BRINP2: variants seen among roughly 807,000 people sequenced by gnomAD.
BRINP2 encodes BMP/retinoic acid inducible neural specific 2.
In BRINP2, 21 loss-of-function variants were observed where a neutral mutation model predicts 69.2. The observed-to-expected ratio is 0.30, with a 90% CI of 0.22 to 0.44. The LOEUF is 0.44. BRINP2 is among the 20% of genes least tolerant of loss of function. BRINP2 has a pLI of 1.00. For synonymous variants in BRINP2, 380 were observed against 394.1 expected, an observed-to-expected ratio of 0.96 and a Z score of 0.42; for missense variants, 877 against 986.0, an observed-to-expected ratio of 0.89 and a Z score of 1.48.
At chr1:177,206,763 C>T (rs537186467) in intron 1 of BRINP2, among the ~76,000 whole-genome samples, 1 of 152,226 alleles carries the variant, frequency 6.6e-6, no homozygotes, top group South Asian at 2.1e-4. Flanking sequence ...GGATACTCAA[C>T]GTGGCTACGT....
In BRINP2 at chr1:177,230,152, G is replaced by A. The variant is rs1168750788; in HGVS notation, c.269+7G>A. 1.3e-6 allele frequency: 2 copies of A among 1,589,216 alleles called. No homozygotes were observed. The highest frequency in any genetic ancestry group is 1.7e-6 in the Non-Finnish European group (2 of 1,164,234). On this transcript the variant is annotated splice_region_variant and intron_variant, in intron 2 of 7. Transcript: ENST00000361539. ...CCAGGTACAGGATTTATAGGTAAGTGGGGGCCTCCACTGAGACAGGGGCTT... is the reference window on the plus strand; with the variant it reads ...CCAGGTACAGGATTTATAGGTAAGTAGGGGCCTCCACTGAGACAGGGGCTT...
At chr1:177,268,935 C>A (rs1571944490) in intron 4 of BRINP2, among the ~76,000 whole-genome samples, 1 of 152,214 alleles carries the variant, frequency 6.6e-6, no homozygotes, top group Non-Finnish European at 1.5e-5. Flanking sequence ...AACTCTATTT[C>A]TGTCATCCAC....
intron 1 of BRINP2, among the ~76,000 whole-genome samples, chr1:177,211,012 T>C (rs925632382): frequency 1.3e-5 from 2 of 149,454 alleles, no homozygotes; most frequent in South Asian, 4.2e-4. Flanking sequence ...ATATATATTA[T>C]GTACATGTAT....
At chr1:177,177,412 C>T (rs1648120005) in intron 1 of BRINP2, among the ~76,000 whole-genome samples, 1 of 152,174 alleles carries the variant, frequency 6.6e-6, no homozygotes, top group African/African-American at 2.4e-5. Flanking sequence ...ATAACTCATT[C>T]ATTGTCATTA....
At position 177,171,483 on chromosome 1, in the gene BRINP2, G is replaced by C. The variant is rs1647928156; in HGVS notation, c.-326G>C. The C allele has an allele frequency of 6.2e-6, 1 of 162,256 alleles. No individual in the cohort carries two copies. The highest frequency in any genetic ancestry group is 1.6e-4 in the South Asian group (1 of 6,078). 10.1% of individuals were successfully genotyped at this position (162,256 alleles called of 1,614,324 possible). ...CGGCGGTGGCGGTGGCGGCGGCGGC[G>C]GCACCGACAGTAAAGCGGGGAGCAA... On this transcript the variant is annotated 5_prime_UTR_variant, in exon 1 of 8. Coordinates refer to ENST00000361539, the MANE Select transcript of BRINP2 (RefSeq NM_021165.4).
chr1:177,183,999 T>C (rs1471208469), intron 1 of BRINP2, among the ~76,000 whole-genome samples: 1 of 152,226 alleles, frequency 6.6e-6, no homozygotes, highest in African/African-American at 2.4e-5. Flanking sequence ...AAGTGCTCTA[T>C]TATCTTGATT....
intron 2 of BRINP2, among the ~76,000 whole-genome samples, chr1:177,231,711 C>T (rs1197840887): frequency 6.6e-6 from 1 of 152,230 alleles, no homozygotes; most frequent in Non-Finnish European, 1.5e-5. Context: ...CTGCAGTTCA[C>T]ACTCCCTGCT....
In BRINP2 at chr1:177,276,419, C is replaced by A; in HGVS notation, c.997C>A (p.Gln333Lys). ...IQDSWATHNR[Q>K]FEESEEFQAL... ...GGACTCCTGGGCCACTCACAACCGG[C>A]AGTTTGAAGAGTCAGGTGAGCAGCC... is the stretch of plus-strand genomic sequence containing the variant. Residue 333 changes from glutamine to lysine, a missense_variant, in exon 6 of 8, where the codon CAG becomes AAG. Gln to Lys is a moderately conservative substitution (Grantham distance 53). Transcript: ENST00000361539. The A allele has an allele frequency of 6.2e-7, 1 of 1,614,086 alleles. No homozygotes were observed. Among genetic ancestry groups the A allele is most frequent in the Admixed American group, 1.7e-5 (1 of 60,030 alleles).
intron 4 of BRINP2, among the ~76,000 whole-genome samples, chr1:177,266,402 G>A (rs1214926939): frequency 6.6e-6 from 1 of 151,894 alleles, no homozygotes; most frequent in Non-Finnish European, 1.5e-5. Context: ...CTTGCTGTTT[G>A]CTTTACTTGT....
At chr1:177,253,200 C>T (rs1157990503) in intron 2 of BRINP2, among the ~76,000 whole-genome samples, 1 of 152,104 alleles carries the variant, frequency 6.6e-6, no homozygotes, top group Non-Finnish European at 1.5e-5. Flanking sequence ...TGCATCCTGA[C>T]CAGCATTTGT....
chr1:177,204,127 C>A (rs1001598165), intron 1 of BRINP2, among the ~76,000 whole-genome samples: 1 of 152,070 alleles, frequency 6.6e-6, no homozygotes, highest in African/African-American at 2.4e-5. Context: ...ATGCATCCTA[C>A]GTTATAAGAA....
intron 1 of BRINP2, among the ~76,000 whole-genome samples, chr1:177,220,355 G>A (rs1649489345): frequency 6.6e-6 from 1 of 152,134 alleles, no homozygotes. Flanking sequence ...CCTCATGAAT[G>A]GCTTGGGTCA....
chr1:177,268,572 T>A (rs1356866386), intron 4 of BRINP2, among the ~76,000 whole-genome samples: 4 of 152,332 alleles, frequency 2.6e-5, no homozygotes, highest in African/African-American at 9.6e-5. Context: ...ATTTAATGTA[T>A]TCCTTAAGAC....
chr1:177,235,157 G>A lies in BRINP2; in HGVS notation c.269+5012G>A, dbSNP rs539296443. Among the ~76,000 whole-genome samples the A allele has an allele frequency of 7.2e-5, 11 of 152,216 alleles. No individual in the cohort carries two copies. The South Asian group carries it at 2.1e-3, about 29-fold the overall frequency. On this transcript the variant is annotated intron_variant, in intron 2 of 7. Coordinates refer to ENST00000361539, the MANE Select transcript of BRINP2 (RefSeq NM_021165.4). ...TGAGAGCTTATTAAAAATCCAGAAC[G>A]TCAGGCCTCTCCCCAGACCTAAGGA...
intron 1 of BRINP2, among the ~76,000 whole-genome samples, chr1:177,177,449 C>T (rs1648120797): frequency 6.6e-6 from 1 of 152,100 alleles, no homozygotes. Context: ...TAAGTTTGGC[C>T]ACAACTTGAA....
Position 177,281,132 on chromosome 1 carries a change from C to A in BRINP2, c.1956C>A (p.Ser652=), listed in dbSNP as rs143029054. The A allele has an allele frequency of 9.5e-5, 153 of 1,614,176 alleles. No homozygotes were observed. The African/African-American group carries it at 1.7e-3, about 18-fold the overall frequency. Residue 652 remains serine, a synonymous_variant, in exon 8 of 8, where the codon TCC becomes TCA. Transcript: ENST00000361539. ...TTTACCTACGGAGCCGAATCAAGTC[C>A]CTGGATGACAGCTCCAATGAGACAA... ...VHVYLRSRIK[S]LDDSSNETIY... is the part of the protein sequence containing the mutation.
intron 4 of BRINP2, among the ~76,000 whole-genome samples, chr1:177,267,757 G>A (rs1406373443): frequency 6.6e-6 from 1 of 152,164 alleles, no homozygotes; most frequent in African/African-American, 2.4e-5. Context: ...GGGTGGTGGA[G>A]TTAAAGGTGG....
chr1:177,229,464 T>G lies in BRINP2; in HGVS notation c.-76-337T>G, dbSNP rs114508754. ...GTCGAGTGGGTCAAGGTAGGATGCA[T>G]GGACACAACATAACATAAGGGTTAA... On this transcript the variant is annotated intron_variant, in intron 1 of 7. Coordinates refer to ENST00000361539, the MANE Select transcript of BRINP2 (RefSeq NM_021165.4). Among the ~76,000 whole-genome samples, 572 of 152,290 alleles carry G rather than the reference T, an allele frequency of 3.8e-3. 2 individuals carry two copies. Among genetic ancestry groups the G allele is most frequent in the Admixed American group, 6.3e-3 (97 of 15,298 alleles).
chr1:177,232,931 G>A (rs1024040244), intron 2 of BRINP2, among the ~76,000 whole-genome samples: 1 of 152,172 alleles, frequency 6.6e-6, no homozygotes, highest in African/African-American at 2.4e-5. Context: ...ATTTATAAGC[G>A]GATGCACTGT....
Sources: allele counts gnomAD v4.1 joint callset (sites outside exome capture counted in the v4.1 genomes callset), GRCh38; gene constraint gnomAD v4.1.1; transcripts MANE v1.5; gene names NCBI Gene and HGNC (gene_info 2026-07-23, HGNC 2026-07-21).